REDIC1: variants seen among roughly 807,000 people sequenced by gnomAD.
REDIC1 encodes HEI10 Interacting Protein 1.
the REDIC1 span, among the ~76,000 whole-genome samples, chr12:39,708,977 G>A: frequency 1.3e-5 from 2 of 151,800 alleles, no homozygotes; most frequent in African/African-American, 4.8e-5. Context: ...ATAATGTTGA[G>A]TAGTCCTGTC....
chr12:39,832,706 C>T, the REDIC1 span, among the ~76,000 whole-genome samples: 1 of 74,080 alleles, frequency 1.3e-5, no homozygotes, highest in African/African-American at 8.1e-5. Context: ...TTAACTGACC[C>T]CTCTACTTGC....
At chr12:39,759,802 T>G in the REDIC1 span, 1 of 505,726 alleles carries the variant, frequency 2.0e-6, no homozygotes, top group Non-Finnish European at 3.5e-6. Flanking sequence ...GCTTAAGAAT[T>G]ATTAGATTAA....
the REDIC1 span, among the ~76,000 whole-genome samples, chr12:39,840,355 A>G: frequency 2.6e-5 from 4 of 151,906 alleles, no homozygotes; most frequent in African/African-American, 9.7e-5. Context: ...TCCACTCTCT[A>G]CACTGCCTCA....
chr12:39,712,876 CGTATATACAT>C, the REDIC1 span, among the ~76,000 whole-genome samples: 16 of 66,034 alleles, frequency 2.4e-4, no homozygotes, highest in African/African-American at 4.8e-4. Context: ...CGTATATACA[CGTATATACAT>C]ATATGCATAT....
At chr12:39,691,346 A>G in the REDIC1 span, among the ~76,000 whole-genome samples, 6 of 152,212 alleles carry the variant, frequency 3.9e-5, no homozygotes, top group African/African-American at 1.4e-4. Context: ...TCCTACCAAC[A>G]GAGAATGTAT....
chr12:39,860,461 ATCATGCATGGATAATAATTCT>A, the REDIC1 span, among the ~76,000 whole-genome samples: 6 of 152,216 alleles, frequency 3.9e-5, no homozygotes, highest in African/African-American at 1.4e-4. Flanking sequence ...GGACTTAATT[ATCATGCATGGATAATAATTCT>A]TCATTCTAGA....
At chr12:39,747,902 T>G in the REDIC1 span, among the ~76,000 whole-genome samples, 2,337 of 152,284 alleles carry the variant, frequency 0.015, 56 homozygotes, top group African/African-American at 0.051. Context: ...CCACCAGGCC[T>G]GCCCTAAAAG....
chr12:39,853,250 C>A, the REDIC1 span, among the ~76,000 whole-genome samples: 1 of 152,108 alleles, frequency 6.6e-6, no homozygotes, highest in Admixed American at 6.6e-5. Context: ...GGCTTGATAT[C>A]CTTTGTGGAA....
the REDIC1 span, chr12:39,760,074 C>T: frequency 6.2e-7 from 1 of 1,612,794 alleles, no homozygotes. Context: ...AGTTACTTCC[C>T]TTTACCCGAA....
the REDIC1 span, among the ~76,000 whole-genome samples, chr12:39,784,433 C>G: frequency 6.6e-6 from 1 of 152,164 alleles, no homozygotes; most frequent in Non-Finnish European, 1.5e-5. Context: ...CATCTACAAC[C>G]ATCTGATCTT....
chr12:39,888,500 C>T, the REDIC1 span, among the ~76,000 whole-genome samples: 1 of 152,370 alleles, frequency 6.6e-6, no homozygotes, highest in East Asian at 1.9e-4. Context: ...GTTGGGATTA[C>T]AGGCTTGAGC....
At chr12:39,783,930 AACAG>A in the REDIC1 span, among the ~76,000 whole-genome samples, 1 of 152,196 alleles carries the variant, frequency 6.6e-6, no homozygotes, top group Non-Finnish European at 1.5e-5. Context: ...GTACACAAAT[AACAG>A]ACAAACAGAG....
the REDIC1 span, among the ~76,000 whole-genome samples, chr12:39,798,079 C>T: frequency 6.6e-6 from 1 of 152,160 alleles, no homozygotes; most frequent in Non-Finnish European, 1.5e-5. Context: ...GGATCATTCA[C>T]TTTGGAGGAA....
At chr12:39,771,445 C>T in the REDIC1 span, among the ~76,000 whole-genome samples, 2 of 152,134 alleles carry the variant, frequency 1.3e-5, no homozygotes, top group East Asian at 1.9e-4. Context: ...AGGGCAGCCT[C>T]TGTCCAACAG....
chr12:39,860,475 A>G, the REDIC1 span, among the ~76,000 whole-genome samples: 2 of 152,184 alleles, frequency 1.3e-5, no homozygotes, highest in Admixed American at 6.5e-5. Context: ...TGCATGGATA[A>G]TAATTCTTCA....
the REDIC1 span, among the ~76,000 whole-genome samples, chr12:39,906,530 G>A: frequency 3.3e-5 from 5 of 152,036 alleles, no homozygotes; most frequent in Non-Finnish European, 7.4e-5. Flanking sequence ...GTTTCAACTT[G>A]AAAGAAACAG....
At chr12:39,712,451 TA>T in the REDIC1 span, among the ~76,000 whole-genome samples, 2 of 44,908 alleles carry the variant, frequency 4.5e-5, no homozygotes, top group African/African-American at 1.0e-4. Flanking sequence ...TATGTATACA[TA>T]CGTATATATA....
chr12:39,797,738 A>ACG, the REDIC1 span, among the ~76,000 whole-genome samples: 152 of 52,546 alleles, frequency 2.9e-3, 1 homozygote, highest in African/African-American at 9.1e-3. Context: ...ACACACACAC[A>ACG]CACACACACA....
the REDIC1 span, among the ~76,000 whole-genome samples, chr12:39,861,450 T>C: frequency 1.6e-4 from 24 of 152,338 alleles, no homozygotes; most frequent in African/African-American, 5.5e-4. Flanking sequence ...GAAATATCTG[T>C]CTACTTTTAA....
Sources: gnomAD v4.1 joint callset for allele counts (sites outside exome capture counted in the v4.1 genomes callset) on GRCh38, gnomAD v4.1.1 for gene constraint, MANE v1.5 for transcripts, NCBI Gene and HGNC (gene_info 2026-07-23, HGNC 2026-07-21) for gene names.